ZNF75A: variants seen among roughly 807,000 people sequenced by gnomAD.
ZNF75A encodes zinc finger protein 75A.
ZNF75A carries 36 observed loss-of-function variants against 46.3 expected under a neutral mutation model. The observed-to-expected ratio is 0.78, with a 90% CI of 0.60 to 1.03. The LOEUF (loss-of-function observed/expected upper bound fraction) is 1.03. ZNF75A is among the 50% of genes least tolerant of loss of function. The probability of loss-of-function intolerance (pLI) is 0.00; values close to 1 mark genes in which losing one functional copy is unlikely to be tolerated. For synonymous variants in ZNF75A, 234 were observed against 189.9 expected (o/e 1.23, Z -1.91); for missense variants, 595 against 551.3 (o/e 1.08, Z -0.79).
rs1050648464 is a variant in ZNF75A at position 3,318,172 on chromosome 16, A to T, written c.*303A>T. ...AGCAGTAACATGCATGTTTAATTGC[A>T]TACCATTCTCTTCACAGTAGCAGGC... is the stretch of plus-strand genomic sequence containing the variant. On this transcript the variant is annotated 3_prime_UTR_variant, in exon 7 of 7. Transcript: ENST00000669516. 1 of 1,103,548 alleles carries T rather than the reference A, an allele frequency of 9.1e-7. No homozygotes were observed. The allele number at this position is 1,103,548 out of a possible 1,614,324, so 68.4% of individuals were successfully genotyped here.
Position 3,318,462 on chromosome 16 carries a change from GA to G in ZNF75A, c.*597del. 1 of 985,414 alleles carries G rather than the reference GA, an allele frequency of 1.0e-6. No homozygotes were observed. The highest frequency in any genetic ancestry group is 1.2e-6 in the Non-Finnish European group (1 of 829,960). The allele number at this position is 985,414 out of a possible 1,614,324, so 61.0% of individuals were successfully genotyped here. A position where few individuals can be genotyped will look rare whatever the true frequency, so the allele number is the denominator to read the frequency against. The stretch of plus-strand genomic sequence containing the variant: ...TTATGCCTCTCATTGGTGATGTTTG[GA>G]AAATAGAAGACATCTCTAATGGAAT... On this transcript the variant is annotated 3_prime_UTR_variant, in exon 7 of 7. Transcript: ENST00000669516.
Position 3,318,429 on chromosome 16 carries a change from G to C in ZNF75A, c.*560G>C, listed in dbSNP as rs1961388900. The C allele has an allele frequency of 8.1e-6, 8 of 986,262 alleles. No individual in the cohort carries two copies. Among genetic ancestry groups the C allele is most frequent in the Non-Finnish European group, 9.6e-6 (8 of 830,646 alleles). 61.1% of individuals were successfully genotyped at this position (986,262 alleles called of 1,614,324 possible). On this transcript the variant is annotated 3_prime_UTR_variant, in exon 7 of 7. Coordinates refer to ENST00000669516, the MANE Select transcript of ZNF75A (RefSeq NM_001302109.2). ...GGGAATCTCCAGATGAACTATTAAT[G>C]CACTGTCTTATGCCTCTCATTGGTG... is the stretch of plus-strand genomic sequence containing the variant.
At chr16:3,323,307 C>T, downstream of ZNF75A, 1 of 1,015,042 alleles carries the variant, frequency 9.9e-7, no homozygotes, top group South Asian at 1.2e-5. Flanking sequence ...GTGGAAAGGG[C>T]AAAAGAACCA....
Position 3,317,472 on chromosome 16 carries a change from A to G in ZNF75A, c.1217A>G (p.Glu406Gly). The G allele has an allele frequency of 3.1e-6, 5 of 1,614,102 alleles. No homozygotes were observed. Among genetic ancestry groups the G allele is most frequent in the Non-Finnish European group, 4.2e-6 (5 of 1,179,998 alleles). ...CAREKPFKCQ[E>G]CGKTFRVSSD... The stretch of plus-strand genomic sequence containing the variant: ...AGAGAGAAGCCTTTTAAATGTCAGG[A>G]ATGTGGGAAAACCTTCAGAGTTAGC... Residue 406 changes from glutamate (E) to glycine (G), a missense_variant, in exon 7 of 7, where the codon GAA (glutamate) becomes GGA (glycine). By Grantham distance (98) the Glu-to-Gly change is moderately conservative (BLOSUM62 -2). Coordinates refer to ENST00000669516, the MANE Select transcript of ZNF75A (RefSeq NM_001302109.2).
At chr16:3,307,427 A>T (rs949490840) in intron 1 of ZNF75A, 2 of 152,318 alleles carry the variant, frequency 1.3e-5, no homozygotes, top group South Asian at 4.2e-4. Flanking sequence ...TGGAGAAGGG[A>T]TACTACTGTA....
chr16:3,322,199 C>G (rs1465736551), downstream of ZNF75A, among the ~76,000 whole-genome samples: 6 of 152,182 alleles, frequency 3.9e-5, no homozygotes, highest in Admixed American at 3.3e-4. Context: ...TTTGCCCATA[C>G]TTCACGTTTC....
At chr16:3,307,719 C>T (rs1045116652) in intron 1 of ZNF75A, 5 of 148,482 alleles carry the variant, frequency 3.4e-5, no homozygotes, top group African/African-American at 1.0e-4. Flanking sequence ...TTTGTAGAGA[C>T]GGGGTCTCGC....
At chr16:3,315,050 G>T (rs369457515) in intron 5 of ZNF75A, 7 of 985,072 alleles carry the variant, frequency 7.1e-6, no homozygotes, top group African/African-American at 3.5e-5. Context: ...CCAGATGTAC[G>T]TGCTCATTCC....
Position 3,318,457 on chromosome 16 carries a change from G to A in ZNF75A, c.*588G>A, listed in dbSNP as rs1054959483. The A allele has an allele frequency of 3.0e-6, 3 of 985,320 alleles. No individual in the cohort carries two copies. The African/African-American group carries it at 5.2e-5, about 17-fold the overall frequency. 61.0% of individuals were successfully genotyped at this position (985,320 alleles called of 1,614,324 possible). A position where few individuals can be genotyped will look rare whatever the true frequency, so the allele number is the denominator to read the frequency against. On this transcript the variant is annotated 3_prime_UTR_variant, in exon 7 of 7. Transcript: ENST00000669516. ...CTGTCTTATGCCTCTCATTGGTGAT[G>A]TTTGGAAAATAGAAGACATCTCTAA...
At chr16:3,322,423 C>G (rs2029977958), downstream of ZNF75A, among the ~76,000 whole-genome samples, 1 of 152,242 alleles carries the variant, frequency 6.6e-6, no homozygotes, top group Non-Finnish European at 1.5e-5. Flanking sequence ...GAAATGCCTT[C>G]TTCAGTCGAG....
rs780982056 is a variant in ZNF75A at position 3,305,593 on chromosome 16, T to A, written c.-167T>A. The A allele has an allele frequency of 6.6e-6, 1 of 152,334 alleles. No homozygotes were observed. The highest frequency in any genetic ancestry group is 1.5e-5 in the Non-Finnish European group (1 of 68,166). The allele number at this position is 152,334 out of a possible 1,614,324, so 9.4% of individuals were successfully genotyped here. A position where few individuals can be genotyped will look rare whatever the true frequency, so the allele number is the denominator to read the frequency against. ...CGGCCTTTCGGGCGGTGGCTTGCGT[T>A]TGAGCCTCAGAAAGCGAGGAGCGGC... On this transcript the variant is annotated 5_prime_UTR_variant, in exon 1 of 7. It adds an upstream start codon to the 5' untranslated region. Transcript: ENST00000669516.
At position 3,318,610 on chromosome 16, in the gene ZNF75A, C is replaced by T; in HGVS notation, c.*741C>T. The T allele has an allele frequency of 1.0e-5, 10 of 985,392 alleles. No homozygotes were observed. The highest frequency in any genetic ancestry group is 1.2e-5 in the Non-Finnish European group (10 of 829,926). The allele number at this position is 985,392 out of a possible 1,614,324, so 61.0% of individuals were successfully genotyped here. A position where few individuals can be genotyped will look rare whatever the true frequency, so the allele number is the denominator to read the frequency against. ...TTGCAATGTCAGTAGGATAAAGCAG[C>T]TATAAAAATTAGTACTTGCCCAAGG... On this transcript the variant is annotated 3_prime_UTR_variant, in exon 7 of 7. Coordinates refer to ENST00000669516, the MANE Select transcript of ZNF75A (RefSeq NM_001302109.2).
At chr16:3,319,133 G>A (rs1596404147), downstream of ZNF75A, among the ~76,000 whole-genome samples, 1 of 152,020 alleles carries the variant, frequency 6.6e-6, no homozygotes, top group East Asian at 1.9e-4. Context: ...TTTTTTTTGA[G>A]ACAGAGTTTC....
intron 5 of ZNF75A, 46 bp from the exon 6 acceptor site, chr16:3,316,866 C>A: frequency 7.6e-7 from 1 of 1,315,534 alleles, no homozygotes; most frequent in Non-Finnish European, 1.1e-6. Flanking sequence ...TGGACCAGTT[C>A]ACTGTTAAGT....
downstream of ZNF75A, among the ~76,000 whole-genome samples, chr16:3,322,697 G>GAGAAACT (rs2029989349): frequency 6.6e-6 from 1 of 152,094 alleles, no homozygotes; most frequent in African/African-American, 2.4e-5. Flanking sequence ...CACCTTTTAG[G>GAGAAACT]AGAAACTAAG....
At chr16:3,319,808 T>A (rs74003372), downstream of ZNF75A, among the ~76,000 whole-genome samples, 5,243 of 151,332 alleles carry the variant, frequency 0.035, 328 homozygotes, top group African/African-American at 0.12. Context: ...TTTTTTTTTT[T>A]ATTTTTTTGC....
At position 3,317,594 on chromosome 16, in the gene ZNF75A, A is replaced by G. The variant is rs1176624221; in HGVS notation, c.1339A>G (p.Lys447Glu). The G allele has an allele frequency of 1.2e-6, 2 of 1,614,200 alleles. No individual in the cohort carries two copies. Among genetic ancestry groups the G allele is most frequent in the Admixed American group, 1.7e-5 (1 of 60,028 alleles). Residue 447 changes from lysine to glutamate, a missense_variant, in exon 7 of 7, where the codon AAG (lysine) becomes GAG (glutamate). Physicochemically the swap from Lys to Glu is moderately conservative, Grantham distance 56. Transcript: ENST00000669516. The stretch of plus-strand genomic sequence containing the variant: ...GTTTAGATGGAGTTCAGATCTTAAT[A>G]AGCACTTAACAACACACCAAGGAAT... ...KRFRWSSDLN[K>E]HLTTHQGIKP...
Position 3,313,433 on chromosome 16 carries a change from T to C in ZNF75A, c.823+258T>C, listed in dbSNP as rs182964514. Among the ~76,000 whole-genome samples, 423 of 152,346 alleles carry C rather than the reference T, an allele frequency of 2.8e-3. 3 individuals carry two copies. Among genetic ancestry groups the C allele is most frequent in the Non-Finnish European group, 1.6e-3 (107 of 68,038 alleles). ...AACTTCCTCTTCTGTGTCTTACTTA[T>C]CTCAGTAAGGGGCACATTCATTATC... On this transcript the variant is annotated intron_variant, in intron 5 of 6. Transcript: ENST00000669516.
Position 3,317,835 on chromosome 16 carries a change from C to T in ZNF75A, c.1580C>T (p.Ser527Leu). 1 of 1,613,042 alleles carries T rather than the reference C, an allele frequency of 6.2e-7. No homozygotes were observed. Among genetic ancestry groups the T allele is most frequent in the Non-Finnish European group, 8.5e-7 (1 of 1,179,346 alleles). The change falls in exon 7 of 7, where the codon TCA becomes TTA. Residue 527 changes from serine to leucine, a missense_variant. Ser to Leu is a moderately radical substitution (Grantham distance 145). Transcript: ENST00000669516. ...TGCAGGAGAAACTTCAGCAGGCGGT[C>T]AAGCCTTCTTAGACACCAGAAACTC... Reference protein sequence around the residue: ...SICRRNFSRRSSLLRHQKLHL With the variant: ...SICRRNFSRRLSLLRHQKLHL
Sources: gnomAD v4.1 joint callset for allele counts (sites outside exome capture counted in the v4.1 genomes callset) on GRCh38, gnomAD v4.1.1 for gene constraint, MANE v1.5 for transcripts, NCBI Gene and HGNC (gene_info 2026-07-23, HGNC 2026-07-21) for gene names.